Variants in LPAR1 observed in about 807,000 individuals in gnomAD.
The protein encoded by LPAR1 is lysophosphatidic acid receptor 1.
A neutral mutation model predicts 23.8 loss-of-function variants in LPAR1; 5 were observed. The ratio of observed to expected loss-of-function variants is 0.21; its 90% confidence interval spans 0.11 to 0.44. The LOEUF is 0.44. Ranked by LOEUF, LPAR1 falls within the 20% of genes least tolerant of loss-of-function variation. The pLI, the probability that LPAR1 is intolerant of heterozygous loss-of-function variation, is 0.99. For missense variants in LPAR1, 311 were observed against 482.8 expected (o/e 0.64, Z 3.33); for synonymous variants, 160 against 164.7 (o/e 0.97, Z 0.22).
At chr9:110,988,097 T>TG (rs55933955) in intron 2 of LPAR1, among the ~76,000 whole-genome samples, 108,694 of 151,716 alleles carry the variant, frequency 0.72, 39,615 homozygotes, top group African/African-American at 0.82. Flanking sequence ...TAATGGGAAG[T>TG]GGGGGAACTA....
At chr9:110,928,323 C>T (rs577780488) in intron 5 of LPAR1, among the ~76,000 whole-genome samples, 4 of 152,126 alleles carry the variant, frequency 2.6e-5, no homozygotes, top group Non-Finnish European at 5.9e-5. Flanking sequence ...TGAACTGAAG[C>T]ATTAAGAAAT....
intron 2 of LPAR1, among the ~76,000 whole-genome samples, chr9:110,996,525 C>T (rs974969417): frequency 6.6e-6 from 1 of 152,082 alleles, no homozygotes; most frequent in Admixed American, 6.6e-5. Flanking sequence ...GAAGAAACAA[C>T]CAGACTCAGT....
upstream of LPAR1, chr9:111,038,578 T>C (rs138115457): frequency 0.029 from 13,108 of 451,202 alleles, 405 homozygotes; most frequent in South Asian, 0.092. This position sits in a 1 kb window ranked among gnomAD's most constrained non-coding sequence, Gnocchi z 4.4. Context: ...TTTCTGCTTG[T>C]TCCACGTAGC....
At chr9:110,978,078 T>C (rs551204811) in intron 2 of LPAR1, among the ~76,000 whole-genome samples, 2 of 152,156 alleles carry the variant, frequency 1.3e-5, no homozygotes, top group African/African-American at 2.4e-5. Context: ...ACTTAAGAAA[T>C]AGATATACTA....
chr9:110,930,875 A>G (rs2094368338), intron 5 of LPAR1, among the ~76,000 whole-genome samples: 1 of 152,192 alleles, frequency 6.6e-6, no homozygotes, highest in South Asian at 2.1e-4. Context: ...AGATCACGCC[A>G]CTGCACTCCA....
intron 5 of LPAR1, among the ~76,000 whole-genome samples, chr9:110,938,054 C>G (rs1490568855): frequency 1.3e-5 from 2 of 152,124 alleles, no homozygotes; most frequent in Non-Finnish European, 2.9e-5. Flanking sequence ...GGCAGAGAAA[C>G]TTGGTTTTGT....
chr9:111,036,230 A>C (rs988907249), intron 1 of LPAR1, 29 bp from the exon 2 acceptor site: 3 of 152,186 alleles, frequency 2.0e-5, no homozygotes, highest in African/African-American at 7.2e-5. Context: ...AAATGAGTCA[A>C]GTGATGCCTA....
chr9:110,967,484 G>A (rs1248394115), intron 4 of LPAR1, among the ~76,000 whole-genome samples: 1 of 152,154 alleles, frequency 6.6e-6, no homozygotes, highest in African/African-American at 2.4e-5. Flanking sequence ...CCAATGAATA[G>A]AGTAACAAAC....
chr9:110,996,678 T>C (rs2097016402), intron 2 of LPAR1, among the ~76,000 whole-genome samples: 1 of 152,182 alleles, frequency 6.6e-6, no homozygotes, highest in Non-Finnish European at 1.5e-5. Flanking sequence ...ATCTTTTGTA[T>C]TCCCAGATTT....
At chr9:110,957,689 C>T (rs182195599) in intron 4 of LPAR1, among the ~76,000 whole-genome samples, 3 of 152,182 alleles carry the variant, frequency 2.0e-5, no homozygotes, top group Admixed American at 2.0e-4. Context: ...CACAGCATGC[C>T]CACTTTCACC....
chr9:111,032,063 G>A (rs1009858081), intron 2 of LPAR1, among the ~76,000 whole-genome samples: 14 of 152,108 alleles, frequency 9.2e-5, no homozygotes, highest in Admixed American at 9.2e-4. Context: ...CCCAGTACAG[G>A]GTGGGTACAA....
chr9:110,961,835 G>C (rs141415347), intron 4 of LPAR1, among the ~76,000 whole-genome samples: 345 of 152,000 alleles, frequency 2.3e-3, no homozygotes, highest in African/African-American at 7.9e-3. Context: ...GAACAGCATG[G>C]GAAAAACCCA....
intron 2 of LPAR1, among the ~76,000 whole-genome samples, chr9:111,017,753 G>T (rs1297515739): frequency 6.6e-6 from 1 of 152,186 alleles, no homozygotes; most frequent in Non-Finnish European, 1.5e-5. Context: ...TGGGCGCAGT[G>T]GCTCACGCCT....
chr9:110,885,444 G>T (rs984128143), intron 5 of LPAR1, among the ~76,000 whole-genome samples: 16 of 152,176 alleles, frequency 1.1e-4, no homozygotes, highest in Non-Finnish European at 1.8e-4. Context: ...CATGGGGAGA[G>T]ATGTGTTCCT....
intron 5 of LPAR1, among the ~76,000 whole-genome samples, chr9:110,915,752 T>C (rs544784276): frequency 6.6e-6 from 1 of 152,320 alleles, no homozygotes; most frequent in African/African-American, 2.4e-5. Flanking sequence ...TGTAAATGGA[T>C]ATGAATGGTT....
intron 1 of LPAR1, among the ~76,000 whole-genome samples, chr9:111,037,008 C>T (rs1192243003): frequency 6.6e-6 from 1 of 152,180 alleles, no homozygotes; most frequent in Non-Finnish European, 1.5e-5. Flanking sequence ...GGGACCCACT[C>T]TTCTATCCGG....
At chr9:110,950,828 T>A (rs955772309) in intron 4 of LPAR1, among the ~76,000 whole-genome samples, 2 of 152,184 alleles carry the variant, frequency 1.3e-5, no homozygotes, top group African/African-American at 4.8e-5. Flanking sequence ...TATATAAATT[T>A]AACATGATAA....
At chr9:110,882,895 T>G (rs2081270447) in intron 5 of LPAR1, among the ~76,000 whole-genome samples, 1 of 152,240 alleles carries the variant, frequency 6.6e-6, no homozygotes, top group Non-Finnish European at 1.5e-5. Context: ...CAGATATTTA[T>G]AAATTTAGAA....
chr9:110,916,637 CT>C lies in LPAR1; in HGVS notation c.793+24783del, dbSNP rs201387215. Among the ~76,000 whole-genome samples the C allele has an allele frequency of 1.0e-3, 152 of 152,060 alleles. 2 individuals carry two copies. The East Asian group carries it at 0.022, about 22-fold the overall frequency. On this transcript the variant is annotated intron_variant, in intron 5 of 5. Coordinates refer to ENST00000683809, the MANE Select transcript of LPAR1 (RefSeq NM_001351411.2). ...TGCAGAAACCCTTGGGTTGGCCATA[CT>C]TTTTTTCCTCTTCTGTCTTGTAGCT...
Sources: allele counts gnomAD v4.1 joint callset (sites outside exome capture counted in the v4.1 genomes callset), GRCh38; gene constraint gnomAD v4.1.1; non-coding constraint Gnocchi (gnomAD v3.1); transcripts MANE v1.5; gene names NCBI Gene and HGNC (gene_info 2026-07-23, HGNC 2026-07-21).